KHDRBS1: variants seen among roughly 807,000 people sequenced by gnomAD.
KHDRBS1 encodes KH domain-containing, RNA-binding, signal transduction-associated protein 1.
A neutral mutation model predicts 48.4 loss-of-function variants in KHDRBS1; 7 were observed. The observed-to-expected ratio is 0.14, with a 90% CI of 0.08 to 0.27. KHDRBS1 has a LOEUF of 0.27. Ranked by LOEUF, KHDRBS1 falls within the 10% of genes least tolerant of loss-of-function variation. The pLI, the probability that KHDRBS1 is intolerant of heterozygous loss-of-function variation, is 1.00. For synonymous variants in KHDRBS1, 241 were observed against 235.8 expected (o/e 1.02, Z -0.20); for missense variants, 458 against 601.2 (o/e 0.76, Z 2.49).
chr1:32,031,060 G>C (rs754620466), intron 2 of KHDRBS1, among the ~76,000 whole-genome samples: 35 of 152,066 alleles, frequency 2.3e-4, no homozygotes, highest in Non-Finnish European at 4.3e-4. Flanking sequence ...ACCAGCCTGA[G>C]CAACATAGCG....
At chr1:32,029,528 A>T (rs1033157533) in intron 1 of KHDRBS1, among the ~76,000 whole-genome samples, 1 of 152,128 alleles carries the variant, frequency 6.6e-6, no homozygotes, top group African/African-American at 2.4e-5. Flanking sequence ...ATGGTGGCAC[A>T]CACCTGTAAT....
At chr1:32,034,065 C>A (rs796788886) in intron 4 of KHDRBS1, among the ~76,000 whole-genome samples, 15 of 152,284 alleles carry the variant, frequency 9.9e-5, no homozygotes, top group African/African-American at 3.6e-4. Flanking sequence ...TAACATACTA[C>A]TGTTGAATAT....
chr1:32,028,484 A>G (rs899250334), intron 1 of KHDRBS1, among the ~76,000 whole-genome samples: 1 of 147,392 alleles, frequency 6.8e-6, no homozygotes, highest in Non-Finnish European at 1.5e-5. Context: ...ACACGTATAT[A>G]TATATACTAT....
intron 1 of KHDRBS1, among the ~76,000 whole-genome samples, chr1:32,015,726 G>A (rs1206636932): frequency 3.9e-5 from 6 of 152,216 alleles, no homozygotes; most frequent in Non-Finnish European, 7.3e-5. Context: ...GGTTTGGGAT[G>A]TATGAATTCT....
chr1:32,035,596 A>G (rs1354660075), intron 4 of KHDRBS1, among the ~76,000 whole-genome samples: 2 of 152,216 alleles, frequency 1.3e-5, no homozygotes, highest in African/African-American at 2.4e-5. Flanking sequence ...ACAATTAACT[A>G]TACCAGCAAT....
intron 7 of KHDRBS1, 53 bp downstream of exon 7, chr1:32,038,672 G>A: frequency 2.6e-6 from 4 of 1,544,034 alleles, no homozygotes; most frequent in Non-Finnish European, 3.6e-6. Context: ...GATGGAGGGA[G>A]TTGGAGGAAC....
chr1:32,047,251 C>T (rs772316871), downstream of KHDRBS1, among the ~76,000 whole-genome samples: 25 of 152,136 alleles, frequency 1.6e-4, no homozygotes, highest in Admixed American at 4.6e-4. Context: ...CTCCACCTCC[C>T]GGGTTCAAGC....
At chr1:32,057,596 C>G (rs1472735897) in intron 10 of KHDRBS1, among the ~76,000 whole-genome samples, 1 of 147,936 alleles carries the variant, frequency 6.8e-6, no homozygotes, top group Admixed American at 6.8e-5. Flanking sequence ...GTCAGGAGTT[C>G]GAGACCATCC....
At position 32,043,484 on chromosome 1, in the gene KHDRBS1, T is replaced by C. The variant is rs1639318828; in HGVS notation, c.*860T>C. ...TTAGCCATGAAGAATCTTTCAGTCA[T>C]AGTACTAATAATTAAATTTTCAGTA... On this transcript the variant is annotated 3_prime_UTR_variant, in exon 9 of 9. Transcript: ENST00000327300. 6.6e-6 allele frequency: 1 copy of C among 152,624 alleles called. No homozygotes were observed. The highest frequency in any genetic ancestry group is 6.5e-5 in the Admixed American group (1 of 15,272). The allele number at this position is 152,624 out of a possible 1,614,324, so 9.5% of individuals were successfully genotyped here. A position where few individuals can be genotyped will look rare whatever the true frequency, so the allele number is the denominator to read the frequency against.
chr1:32,031,544 T>G lies in KHDRBS1; in HGVS notation c.528T>G (p.Ile176Met). The change falls in exon 3 of 9, where the codon ATT becomes ATG. Residue 176 changes from isoleucine to methionine, a missense_variant. By Grantham distance (10) the Ile-to-Met change is conservative. Around this residue, in one of 3 missense-constraint regions of KHDRBS1, gnomAD observed 74 missense variants for 156.9 expected, o/e 0.47. Transcript: ENST00000327300. The part of the protein sequence containing the change: ...QYPKFNFVGK[I>M]LGPQGNTIKR... The stretch of plus-strand genomic sequence containing the variant: ...GTCAGTTCAATTTTGTGGGGAAGAT[T>G]CTTGGACCACAAGGGAATACAATCA... The G allele has an allele frequency of 1.9e-6, 3 of 1,604,468 alleles. No homozygotes were observed. Among genetic ancestry groups the G allele is most frequent in the Non-Finnish European group, 2.5e-6 (3 of 1,176,730 alleles).
chr1:32,050,093 G>A (rs540005444), intron 10 of KHDRBS1, among the ~76,000 whole-genome samples: 1 of 152,296 alleles, frequency 6.6e-6, no homozygotes, highest in South Asian at 2.1e-4. Context: ...TCTTTAGTGG[G>A]TGTGAAGTGG....
intron 4 of KHDRBS1, 53 bp downstream of exon 4, chr1:32,033,387 T>C (rs770976342): frequency 4.3e-5 from 69 of 1,605,234 alleles, no homozygotes; most frequent in South Asian, 1.2e-4. Context: ...TGGGATCTTA[T>C]ACTGTTGTGA....
chr1:32,020,464 T>C (rs1638836277), intron 1 of KHDRBS1, among the ~76,000 whole-genome samples: 1 of 152,024 alleles, frequency 6.6e-6, no homozygotes, highest in Non-Finnish European at 1.5e-5. Context: ...ACAGTTGCAT[T>C]CTTGGGTATT....
At chr1:32,024,879 C>T (rs1638932400) in intron 1 of KHDRBS1, among the ~76,000 whole-genome samples, 1 of 151,980 alleles carries the variant, frequency 6.6e-6, no homozygotes, top group Middle Eastern at 3.4e-3. Flanking sequence ...GTGGGAGGAT[C>T]ACTTGAGCTC....
intron 10 of KHDRBS1, among the ~76,000 whole-genome samples, chr1:32,051,698 A>T (rs1469912792): frequency 3.9e-5 from 6 of 152,210 alleles, no homozygotes; most frequent in African/African-American, 1.2e-4. Context: ...AGTGACAGTT[A>T]CTATTGAGGG....
intron 8 of KHDRBS1, among the ~76,000 whole-genome samples, chr1:32,040,917 T>C (rs1639272950): frequency 6.6e-6 from 1 of 152,112 alleles, no homozygotes; most frequent in South Asian, 2.1e-4. Context: ...AGGAAACTGT[T>C]TTTACCAGTT....
chr1:32,052,396 T>C (rs950705801), intron 10 of KHDRBS1: 8 of 150,750 alleles, frequency 5.3e-5, no homozygotes, highest in African/African-American at 2.0e-4. Context: ...ACTGACATAG[T>C]GGTTTCTTTT....
chr1:32,058,714 G>A (rs1639509764), intron 10 of KHDRBS1, among the ~76,000 whole-genome samples: 1 of 152,102 alleles, frequency 6.6e-6, no homozygotes, highest in South Asian at 2.1e-4. Flanking sequence ...GAGGCAGGAG[G>A]ATCGCTTGAG....
chr1:32,031,685 A>G (rs751439232), intron 3 of KHDRBS1, 45 bp downstream of exon 3: 15 of 1,244,108 alleles, frequency 1.2e-5, no homozygotes, highest in East Asian at 2.4e-5. Context: ...AATGCCTTCT[A>G]CTTGCCCAGA....
Sources: allele counts gnomAD v4.1 joint callset (sites outside exome capture counted in the v4.1 genomes callset), GRCh38; gene constraint gnomAD v4.1.1; regional missense constraint gnomAD v4.1.1; transcripts MANE v1.5; gene names NCBI Gene and HGNC (gene_info 2026-07-23, HGNC 2026-07-21).